Variants in TNFSF10 observed in about 807,000 individuals in gnomAD.
TNFSF10 encodes TNF superfamily member 10, also known as tumor necrosis factor ligand superfamily member 10.
A neutral mutation model predicts 29.5 loss-of-function variants in TNFSF10; 13 were observed. That is an observed-to-expected ratio of 0.44 (90% CI 0.29 to 0.70). The LOEUF is 0.70. Among genes scored for constraint, TNFSF10 ranks in the 30% least tolerant of loss-of-function variants. TNFSF10 has a pLI of 0.13. For synonymous variants in TNFSF10, 111 were observed against 112.8 expected (o/e 0.98, Z 0.10); for missense variants, 345 against 330.9 (o/e 1.04, Z -0.33).
At chr3:172,517,189 A>G (rs1713470515) in intron 1 of TNFSF10, among the ~76,000 whole-genome samples, 1 of 152,258 alleles carries the variant, frequency 6.6e-6, no homozygotes, top group Admixed American at 6.5e-5. Flanking sequence ...GTGATCAGGC[A>G]GTAATGGCAG....
intron 1 of TNFSF10, chr3:172,517,240 T>A: frequency 1.4e-6 from 1 of 733,472 alleles, no homozygotes; most frequent in Non-Finnish European, 1.7e-6. Flanking sequence ...TTGACAAGGA[T>A]GGTCGTGGTG....
intron 2 of TNFSF10, among the ~76,000 whole-genome samples, chr3:172,512,139 CCT>C (rs1171433519): frequency 6.6e-6 from 1 of 152,170 alleles, no homozygotes; most frequent in African/African-American, 2.4e-5. Context: ...GGGCACACTT[CCT>C]CTCTCTCAGG....
intron 1 of TNFSF10, among the ~76,000 whole-genome samples, chr3:172,516,034 G>A (rs947129738): frequency 3.3e-5 from 5 of 152,094 alleles, no homozygotes; most frequent in African/African-American, 4.8e-5. Context: ...AGGCCGAGGC[G>A]GGTGAATCAC....
chr3:172,510,079 C>A (rs1428253508), intron 3 of TNFSF10, among the ~76,000 whole-genome samples: 2 of 151,786 alleles, frequency 1.3e-5, no homozygotes, highest in African/African-American at 4.8e-5. Context: ...AAATTATATT[C>A]TTTCATCAAA....
intron 3 of TNFSF10, 91 bp downstream of exon 3, chr3:172,511,526 T>G (rs1238110498): frequency 7.8e-5 from 83 of 1,065,510 alleles, no homozygotes; most frequent in Non-Finnish European, 1.1e-4. Flanking sequence ...GATGAGTGGA[T>G]GAGAACACAG....
At chr3:172,520,779 A>T (rs1713656797) in intron 1 of TNFSF10, among the ~76,000 whole-genome samples, 1 of 152,126 alleles carries the variant, frequency 6.6e-6, no homozygotes, top group African/African-American at 2.4e-5. Flanking sequence ...AAGAACTGTA[A>T]CTCCAACCTG....
At chr3:172,510,173 T>C (rs1347577596) in intron 3 of TNFSF10, among the ~76,000 whole-genome samples, 2 of 152,162 alleles carry the variant, frequency 1.3e-5, no homozygotes, top group Non-Finnish European at 2.9e-5. Flanking sequence ...CTCAAGGGAC[T>C]TACAGCCTTC....
At chr3:172,508,490 G>A (rs1430482844) in intron 4 of TNFSF10, among the ~76,000 whole-genome samples, 2 of 152,176 alleles carry the variant, frequency 1.3e-5, no homozygotes, top group African/African-American at 4.8e-5. Flanking sequence ...GCCACTAGGA[G>A]CACCTAGTGA....
At position 172,523,371 on chromosome 3, in the gene TNFSF10, T is replaced by G. The variant is rs1380226788; in HGVS notation, c.14A>C (p.Glu5Ala). The change falls in exon 1 of 5, where the codon GAG becomes GCG. Residue 5 changes from glutamate to alanine, a missense_variant. Physicochemically the swap from Glu to Ala is moderately radical, Grantham distance 107. Transcript: ENST00000241261. ...TCCCAGGCTGGGTCCCCCCTGGACC[T>G]CCATCATAGCCATGATCCTGTCAGA... MAMM[E>A]VQGGPSLGQT... 17 of 1,613,546 alleles carry G rather than the reference T, an allele frequency of 1.1e-5. No individual in the cohort carries two copies. The highest frequency in any genetic ancestry group is 1.4e-5 in the Non-Finnish European group (16 of 1,179,672).
chr3:172,515,998 C>T (rs1192988843), intron 1 of TNFSF10, among the ~76,000 whole-genome samples: 3 of 152,176 alleles, frequency 2.0e-5, no homozygotes, highest in African/African-American at 4.8e-5. Context: ...CGCGGTGGCT[C>T]ATGCCTATAA....
intron 2 of TNFSF10, 147 bp downstream of exon 2, chr3:172,514,714 G>A (rs17848022): frequency 7.8e-6 from 9 of 1,147,246 alleles, no homozygotes; most frequent in Non-Finnish European, 1.1e-5. Context: ...ATGAATTTGG[G>A]GAAAATTACT....
intron 1 of TNFSF10, chr3:172,518,134 G>A: frequency 9.5e-7 from 1 of 1,052,474 alleles, no homozygotes; most frequent in East Asian, 8.9e-5. Flanking sequence ...CATATCATAG[G>A]CTGAGGCTAT....
chr3:172,510,332 C>T (rs571930853), intron 3 of TNFSF10, among the ~76,000 whole-genome samples: 13 of 152,096 alleles, frequency 8.5e-5, no homozygotes, highest in Admixed American at 7.2e-4. Context: ...GGCCTGTGCC[C>T]GTAGTCCTAC....
intron 1 of TNFSF10, chr3:172,517,860 C>T: frequency 1.0e-6 from 1 of 985,352 alleles, no homozygotes; most frequent in Non-Finnish European, 1.2e-6. Flanking sequence ...TGGTGTTTCT[C>T]TTTCTAGACC....
At chr3:172,512,745 G>A (rs1713276158) in intron 2 of TNFSF10, among the ~76,000 whole-genome samples, 1 of 152,198 alleles carries the variant, frequency 6.6e-6, no homozygotes, top group South Asian at 2.1e-4. Flanking sequence ...AGGAAGGAAA[G>A]AAGGGGAAGC....
chr3:172,506,978 AGCT>A, intron 4 of TNFSF10, 59 bp from the exon 5 acceptor site: 1 of 1,275,788 alleles, frequency 7.8e-7, no homozygotes, highest in Non-Finnish European at 1.0e-6. Context: ...CAAAGCAAGG[AGCT>A]TTTTTGCAGC....
chr3:172,518,233 T>C (rs762247416), intron 1 of TNFSF10: 298 of 1,139,426 alleles, frequency 2.6e-4, no homozygotes, highest in Non-Finnish European at 3.1e-4. Flanking sequence ...AAGAAAGCTC[T>C]TGCACTGGGT....
At position 172,515,025 on chromosome 3, in the gene TNFSF10, T is replaced by C. The variant is rs541418902; in HGVS notation, c.133-27A>G. ...TGGGTTGAGATGGAATATAACACAA[T>C]ATTTTGCATAAGTGCTTTTTATTTT... On this transcript the variant is annotated intron_variant, in intron 1 of 4. Transcript: ENST00000241261. The C allele has an allele frequency of 5.0e-6, 8 of 1,613,094 alleles. No individual in the cohort carries two copies. The South Asian group carries it at 5.5e-5, about 11-fold the overall frequency.
At chr3:172,519,774 A>C (rs1339054779) in intron 1 of TNFSF10, among the ~76,000 whole-genome samples, 2 of 152,356 alleles carry the variant, frequency 1.3e-5, no homozygotes, top group African/African-American at 4.8e-5. Flanking sequence ...GGATATGCAA[A>C]CTACATTTCC....
Sources: gnomAD v4.1 joint callset for allele counts (sites outside exome capture counted in the v4.1 genomes callset) on GRCh38, gnomAD v4.1.1 for gene constraint, MANE v1.5 for transcripts, NCBI Gene and HGNC (gene_info 2026-07-23, HGNC 2026-07-21) for gene names.